The following APBB2 variants were observed in gnomAD, a reference collection of about 807,000 sequenced individuals.
The protein encoded by APBB2 is amyloid beta precursor protein binding family B member 2, also known as Fe65-like 1.
A neutral mutation model predicts 82.5 loss-of-function variants in APBB2; 38 were observed. The observed-to-expected ratio is 0.46, with a 90% CI of 0.36 to 0.60. APBB2 has a LOEUF of 0.60. APBB2 is among the 20% of genes least tolerant of loss of function. APBB2 has a pLI of 0.00. For synonymous variants in APBB2, 341 were observed against 368.2 expected, an observed-to-expected ratio of 0.93 and a Z score of 0.85; for missense variants, 772 against 972.3, an observed-to-expected ratio of 0.79 and a Z score of 2.74.
At chr4:41,120,202 A>T (rs62413795) in intron 2 of APBB2, among the ~76,000 whole-genome samples, 9,184 of 152,188 alleles carry the variant, frequency 0.06, 334 homozygotes, top group Middle Eastern at 0.14. Flanking sequence ...TCATTTTTTA[A>T]TAATTTTCCA....
At chr4:40,829,431 C>G (rs1751097697) in intron 13 of APBB2, among the ~76,000 whole-genome samples, 1 of 152,232 alleles carries the variant, frequency 6.6e-6, no homozygotes, top group Non-Finnish European at 1.5e-5. Context: ...GATGCTTGTC[C>G]AGCGCCTCTA....
At chr4:41,147,717 G>A (rs991954985) in intron 1 of APBB2, among the ~76,000 whole-genome samples, 35 of 152,028 alleles carry the variant, frequency 2.3e-4, no homozygotes, top group Non-Finnish European at 5.9e-5. Context: ...TCAAACTCCT[G>A]ACCTCAGGTG....
chr4:41,047,685 C>G (rs369670747), intron 4 of APBB2, among the ~76,000 whole-genome samples: 1 of 152,228 alleles, frequency 6.6e-6, no homozygotes, highest in Non-Finnish European at 1.5e-5. Context: ...CCTGGTCTAA[C>G]GATCCCAGAA....
chr4:41,131,044 A>G (rs1479902143), intron 2 of APBB2, among the ~76,000 whole-genome samples: 1 of 152,204 alleles, frequency 6.6e-6, no homozygotes, highest in Non-Finnish European at 1.5e-5. Context: ...ATCACAGCAA[A>G]ACATGCGAGA....
intron 1 of APBB2, among the ~76,000 whole-genome samples, chr4:41,155,393 A>T (rs1763198946): frequency 6.6e-6 from 1 of 152,240 alleles, no homozygotes; most frequent in African/African-American, 2.4e-5. Flanking sequence ...AGCAATTTTC[A>T]AATTCAGATT....
intron 12 of APBB2, among the ~76,000 whole-genome samples, chr4:40,851,738 A>ATATATATATATATTTT (rs1192919460): frequency 1.0e-4 from 7 of 67,732 alleles, no homozygotes; most frequent in Non-Finnish European, 2.0e-4. Flanking sequence ...ATATATATAT[A>ATATATATATATATTTT]TTTTTTTTTT....
At position 40,838,239 on chromosome 4, in the gene APBB2, T is replaced by C. The variant is rs1261698096; in HGVS notation, c.1530-7662A>G. On this transcript the variant is annotated intron_variant, in intron 12 of 17. Coordinates refer to ENST00000508593, the MANE Select transcript of APBB2 (RefSeq NM_004307.2). ...GTGCAGTGGCATGATCTCGGCTCACTGCAACCTCCACCTCCTGGGTTCAAG... is the reference window on the plus strand; with the variant it reads ...GTGCAGTGGCATGATCTCGGCTCACCGCAACCTCCACCTCCTGGGTTCAAG... Among the ~76,000 whole-genome samples the C allele has an allele frequency of 2.7e-5, 4 of 150,918 alleles. No individual in the cohort carries two copies. In the East Asian group the frequency reaches 7.7e-4, roughly 29 times the overall value.
At position 40,814,941 on chromosome 4, in the gene APBB2, TAAA is replaced by T. The variant is rs1480858268; in HGVS notation, c.*1148_*1150del. The stretch of plus-strand genomic sequence containing the variant: ...AGTTGAGTCCAACAAATTCTAATAT[TAAA>T]TACATAAAATCAAGGAAAGGTTCAA... On this transcript the variant is annotated 3_prime_UTR_variant, in exon 18 of 18. Transcript: ENST00000508593. The T allele has an allele frequency of 1.3e-5, 2 of 152,146 alleles. No individual in the cohort carries two copies. The highest frequency in any genetic ancestry group is 4.1e-4 in the South Asian group (2 of 4,832). The allele number at this position is 152,146 out of a possible 1,614,324, so 9.4% of individuals were successfully genotyped here. A position where few individuals can be genotyped will look rare whatever the true frequency, so the allele number is the denominator to read the frequency against.
chr4:41,008,406 T>A (rs1465263226), intron 6 of APBB2, among the ~76,000 whole-genome samples: 2 of 152,320 alleles, frequency 1.3e-5, no homozygotes, highest in East Asian at 3.9e-4. Flanking sequence ...ATTCAACACA[T>A]AAAGTTCATT....
At chr4:40,887,218 T>C (rs1770583800) in intron 12 of APBB2, among the ~76,000 whole-genome samples, 1 of 152,188 alleles carries the variant, frequency 6.6e-6, no homozygotes, top group Non-Finnish European at 1.5e-5. Flanking sequence ...TTCTTCCAAG[T>C]AAATCAAAAC....
At chr4:40,817,497 C>T (rs908676758) in intron 17 of APBB2, among the ~76,000 whole-genome samples, 1 of 151,768 alleles carries the variant, frequency 6.6e-6, no homozygotes, top group Non-Finnish European at 1.5e-5. Context: ...TTTTTTTCAA[C>T]CAAACACAGA....
chr4:40,974,530 A>T (rs544028462), intron 6 of APBB2, among the ~76,000 whole-genome samples: 231 of 152,288 alleles, frequency 1.5e-3, no homozygotes, highest in African/African-American at 5.2e-3. Flanking sequence ...TAGTTTTATT[A>T]TAGTAAACAG....
intron 17 of APBB2, among the ~76,000 whole-genome samples, chr4:40,820,525 C>T (rs1483829831): frequency 1.3e-5 from 2 of 151,788 alleles, no homozygotes; most frequent in East Asian, 1.9e-4. Context: ...ATTAGCCAGG[C>T]GTGGTGGCAG....
At chr4:41,109,173 G>A (rs1433934879) in intron 2 of APBB2, among the ~76,000 whole-genome samples, 2 of 152,102 alleles carry the variant, frequency 1.3e-5, no homozygotes, top group Non-Finnish European at 2.9e-5. Context: ...GCTGAGGTGG[G>A]GGATCCTTTG....
chr4:40,816,003 C>G lies in APBB2; in HGVS notation c.*89G>C, dbSNP rs1018487332. On this transcript the variant is annotated 3_prime_UTR_variant, in exon 18 of 18. Transcript: ENST00000508593. ...TTCTCTGAAGACAAAGCATCAGCAA[C>G]TGGATGGAAGGTCGGATGGCGGAGT... 33 of 1,457,172 alleles carry G rather than the reference C, an allele frequency of 2.3e-5. No homozygotes were observed. Among genetic ancestry groups the G allele is most frequent in the Non-Finnish European group, 3.0e-5 (32 of 1,060,746 alleles). The allele number at this position is 1,457,172 out of a possible 1,614,324, so 90.3% of individuals were successfully genotyped here.
chr4:41,093,842 G>A lies in APBB2; in HGVS notation c.-149+6797C>T, dbSNP rs542133830. On this transcript the variant is annotated intron_variant, in intron 3 of 17. Coordinates refer to ENST00000508593, the MANE Select transcript of APBB2 (RefSeq NM_004307.2). The stretch of plus-strand genomic sequence containing the variant: ...GCACTCCAGCCTGGGCAACAAGAGC[G>A]AAACTTCATCTCAAAAAAAAAAAAA... 4.1e-5 allele frequency among the ~76,000 whole-genome samples: 6 copies of A among 146,236 alleles called. No individual in the cohort carries two copies. In the South Asian group the frequency reaches 6.4e-4, roughly 16 times the overall value.
intron 1 of APBB2, among the ~76,000 whole-genome samples, chr4:41,177,325 C>G (rs1011096646): frequency 6.6e-6 from 1 of 152,276 alleles, no homozygotes; most frequent in Non-Finnish European, 1.5e-5. Context: ...GACAGTTATT[C>G]TGGTTATGAA....
chr4:40,845,728 C>G (rs1757336806), intron 12 of APBB2, among the ~76,000 whole-genome samples: 2 of 151,708 alleles, frequency 1.3e-5, no homozygotes, highest in Admixed American at 1.3e-4. Context: ...CCACTTTTCA[C>G]AAACTGAGCA....
chr4:40,866,866 C>T (rs1009452300), intron 12 of APBB2, among the ~76,000 whole-genome samples: 17 of 152,066 alleles, frequency 1.1e-4, no homozygotes, highest in African/African-American at 3.6e-4. Flanking sequence ...TACAGGTGTG[C>T]GCCACCATGC....
Sources: allele counts gnomAD v4.1 joint callset (sites outside exome capture counted in the v4.1 genomes callset), GRCh38; gene constraint gnomAD v4.1.1; transcripts MANE v1.5; gene names NCBI Gene and HGNC (gene_info 2026-07-23, HGNC 2026-07-21).